The following GPC6 variants were observed in gnomAD, a reference collection of about 807,000 sequenced individuals.
The protein encoded by GPC6 is glypican-6.
GPC6 carries 14 observed loss-of-function variants against 55.2 expected under a neutral mutation model. The ratio of observed to expected loss-of-function variants is 0.25; its 90% CI spans 0.17 to 0.40. The LOEUF (loss-of-function observed/expected upper bound fraction) is 0.40. Ranked by LOEUF, GPC6 falls within the 10% of genes least tolerant of loss-of-function variation. The pLI is 1.00. For synonymous variants in GPC6, 278 were observed against 259.6 expected (o/e 1.07, Z -0.68); for missense variants, 641 against 708.5 (o/e 0.90, Z 1.08).
At chr13:94,185,902 T>C (rs1352262131) in intron 4 of GPC6, among the ~76,000 whole-genome samples, 1 of 151,346 alleles carries the variant, frequency 6.6e-6, no homozygotes, top group Non-Finnish European at 1.5e-5. Context: ...CTACTAAAAA[T>C]ACAAAAAATT....
intron 2 of GPC6, among the ~76,000 whole-genome samples, chr13:93,623,203 T>G (rs1879032140): frequency 6.6e-6 from 1 of 152,126 alleles, no homozygotes; most frequent in Admixed American, 6.6e-5. Context: ...CTATTGTGAA[T>G]AGTGCTGAAA....
chr13:93,227,454 A>G lies in GPC6; in HGVS notation c.-3A>G. On this transcript the variant is annotated 5_prime_UTR_variant, in exon 1 of 9. Transcript: ENST00000377047. This position sits in a 1 kb window ranked among gnomAD's most constrained non-coding sequence, Gnocchi z 4.3. The stretch of plus-strand genomic sequence containing the variant: ...TTACCGAGCTGGATTTGTATGTTGC[A>G]CCATGCCTTCTTGGATCGGGGCTGT... The G allele has an allele frequency of 6.2e-7, 1 of 1,613,658 alleles. No individual in the cohort carries two copies. Among genetic ancestry groups the G allele is most frequent in the South Asian group, 1.1e-5 (1 of 91,046 alleles).
At chr13:94,232,195 AT>A (rs1890749487) in intron 4 of GPC6, among the ~76,000 whole-genome samples, 1 of 152,214 alleles carries the variant, frequency 6.6e-6, no homozygotes, top group Admixed American at 6.5e-5. Flanking sequence ...CCTAAAAAGT[AT>A]TCCTTTCATA....
chr13:93,637,674 C>T (rs1250391752), intron 2 of GPC6, among the ~76,000 whole-genome samples: 1 of 152,052 alleles, frequency 6.6e-6, no homozygotes, highest in Non-Finnish European at 1.5e-5. Flanking sequence ...TATGTACAGT[C>T]ATAATTAAAT....
chr13:93,483,740 G>A (rs1163320848), intron 1 of GPC6, among the ~76,000 whole-genome samples: 6 of 152,092 alleles, frequency 3.9e-5, no homozygotes, highest in African/African-American at 9.7e-5. Flanking sequence ...ATAAGAATGC[G>A]GCTCATGGTA....
chr13:93,519,727 T>G (rs1233746877), intron 1 of GPC6, among the ~76,000 whole-genome samples: 2 of 151,962 alleles, frequency 1.3e-5, no homozygotes, highest in African/African-American at 4.8e-5. Flanking sequence ...CAATAGAGCC[T>G]AAATAGATGA....
intron 6 of GPC6, among the ~76,000 whole-genome samples, chr13:94,379,059 CCAAAAAAA>C (rs1031606384): frequency 3.5e-4 from 53 of 151,520 alleles, no homozygotes; most frequent in African/African-American, 1.2e-3. Flanking sequence ...GGAAAAAAAA[CCAAAAAAA>C]CAAAAAAACA....
At chr13:93,951,653 C>T (rs530596620) in intron 3 of GPC6, among the ~76,000 whole-genome samples, 18 of 152,222 alleles carry the variant, frequency 1.2e-4, no homozygotes, top group Non-Finnish European at 1.3e-4. Flanking sequence ...CCCTCTCAGC[C>T]TCAGTTTCTT....
Position 94,165,233 on chromosome 13 carries a change from C to CATAT in GPC6, c.878-121109_878-121106dup, listed in dbSNP as rs898583493. 1.2e-4 allele frequency among the ~76,000 whole-genome samples: 17 copies of CATAT among 145,910 alleles called. No homozygotes were observed. The East Asian group carries it at 3.0e-3, about 26-fold the overall frequency. ...TATATATATATAATGGAATACTATT[C>CATAT]ATATATATATGTATACATATATGTA... On this transcript the variant is annotated intron_variant, in intron 4 of 8. Coordinates refer to ENST00000377047, the MANE Select transcript of GPC6 (RefSeq NM_005708.5).
intron 3 of GPC6, among the ~76,000 whole-genome samples, chr13:94,014,387 G>A (rs1464471479): frequency 6.6e-6 from 1 of 152,090 alleles, no homozygotes; most frequent in Admixed American, 6.6e-5. Context: ...TAACTACATG[G>A]GTAAATACAG....
intron 1 of GPC6, among the ~76,000 whole-genome samples, chr13:93,320,765 AG>A (rs1879412165): frequency 6.6e-6 from 1 of 152,276 alleles, no homozygotes; most frequent in South Asian, 2.1e-4. Flanking sequence ...AAACTGCAAA[AG>A]AAAATTCTGT....
intron 3 of GPC6, among the ~76,000 whole-genome samples, chr13:93,972,396 G>A (rs1880324732): frequency 6.6e-6 from 1 of 152,136 alleles, no homozygotes; most frequent in Non-Finnish European, 1.5e-5. Flanking sequence ...TGCTATGTAT[G>A]TCCCTAGAGA....
intron 4 of GPC6, among the ~76,000 whole-genome samples, chr13:94,070,639 A>G (rs755265921): frequency 5.3e-5 from 8 of 152,228 alleles, no homozygotes; most frequent in African/African-American, 1.7e-4. Flanking sequence ...CTTAAAGTCT[A>G]TCCTTTCTAG....
In GPC6 at chr13:93,780,232, G is replaced by A. The variant is rs192644183; in HGVS notation, c.320-49922G>A. Among the ~76,000 whole-genome samples, 8 of 151,792 alleles carry A rather than the reference G, an allele frequency of 5.3e-5. No homozygotes were observed. The East Asian group carries it at 1.6e-3, about 29-fold the overall frequency. Reference sequence around the variant, plus strand: ...CACCAGTCAACCTATAATTAAATATGTGTATTAGATTCATTTATTGAAAAC... The same window carrying A: ...CACCAGTCAACCTATAATTAAATATATGTATTAGATTCATTTATTGAAAAC... On this transcript the variant is annotated intron_variant, in intron 2 of 8. Coordinates refer to ENST00000377047, the MANE Select transcript of GPC6 (RefSeq NM_005708.5).
chr13:93,964,224 T>C (rs1182983435), intron 3 of GPC6, among the ~76,000 whole-genome samples: 2 of 152,166 alleles, frequency 1.3e-5, no homozygotes, highest in African/African-American at 4.8e-5. Context: ...AATGTTAGAT[T>C]GATAACCTTG....
intron 2 of GPC6, among the ~76,000 whole-genome samples, chr13:93,681,691 C>G (rs1432509565): frequency 1.3e-5 from 2 of 152,052 alleles, no homozygotes; most frequent in East Asian, 1.9e-4. Flanking sequence ...TTAAAGGAAG[C>G]AATCCATTTA....
chr13:94,114,653 A>G (rs1422967061), intron 4 of GPC6, among the ~76,000 whole-genome samples: 1 of 152,156 alleles, frequency 6.6e-6, no homozygotes, highest in Non-Finnish European at 1.5e-5. Context: ...TATGACATAC[A>G]ATGACTAACC....
At chr13:93,539,413 A>G (rs915744369) in intron 1 of GPC6, among the ~76,000 whole-genome samples, 8 of 152,142 alleles carry the variant, frequency 5.3e-5, no homozygotes, top group African/African-American at 1.9e-4. Flanking sequence ...TTATTGCAAG[A>G]CCAAGCATAT....
At chr13:94,373,510 G>C (rs1054150793) in intron 6 of GPC6, among the ~76,000 whole-genome samples, 3 of 152,126 alleles carry the variant, frequency 2.0e-5, no homozygotes. Context: ...CGGAAGTTTA[G>C]AGAAAAAAGA....
Sources: gnomAD v4.1 joint callset for allele counts (sites outside exome capture counted in the v4.1 genomes callset) on GRCh38, gnomAD v4.1.1 for gene constraint, Gnocchi (gnomAD v3.1) non-coding constraint, MANE v1.5 for transcripts, NCBI Gene and HGNC (gene_info 2026-07-23, HGNC 2026-07-21) for gene names.